Variants in COL25A1 observed in about 807,000 individuals in gnomAD.
COL25A1 encodes the protein collagen type XXV alpha 1 chain.
COL25A1 carries 103 observed loss-of-function variants against 128.4 expected under a neutral mutation model. That is an observed-to-expected ratio of 0.80 (90% CI 0.68 to 0.94). The LOEUF (loss-of-function observed/expected upper bound fraction) is 0.94, where lower values mean the gene tolerates loss of function less well. COL25A1 is among the 40% of genes least tolerant of loss of function. The pLI is 0.00. For missense variants in COL25A1, 745 were observed against 840.0 expected (o/e 0.89, Z 1.40); for synonymous variants, 279 against 277.2 (o/e 1.01, Z -0.06).
intron 3 of COL25A1, among the ~76,000 whole-genome samples, chr4:109,156,914 C>A (rs1181109396): frequency 6.6e-6 from 1 of 152,154 alleles, no homozygotes; most frequent in Non-Finnish European, 1.5e-5. Context: ...AACTCAAGAG[C>A]CACTTTTCTA....
intron 3 of COL25A1, among the ~76,000 whole-genome samples, chr4:109,183,228 T>A (rs1035032396): frequency 6.6e-6 from 1 of 151,962 alleles, no homozygotes; most frequent in African/African-American, 2.4e-5. Context: ...TCCACCAGCA[T>A]CCTGATGATA....
At chr4:109,259,939 G>A (rs949763361) in intron 3 of COL25A1, among the ~76,000 whole-genome samples, 69 of 152,316 alleles carry the variant, frequency 4.5e-4, no homozygotes, top group African/African-American at 1.6e-3. Context: ...ATGCTTTGCT[G>A]GAAGAGTCTT....
At chr4:108,824,842 CATAAT>C (rs778298389) in intron 34 of COL25A1, among the ~76,000 whole-genome samples, 12 of 152,150 alleles carry the variant, frequency 7.9e-5, no homozygotes, top group South Asian at 4.2e-4. Flanking sequence ...GAGAAAAAAA[CATAAT>C]ATATCATTCT....
chr4:109,272,994 A>G (rs528000453), intron 3 of COL25A1, among the ~76,000 whole-genome samples: 215 of 152,342 alleles, frequency 1.4e-3, no homozygotes, highest in African/African-American at 5.0e-3. Context: ...GAATGGAGGT[A>G]TTTAAGCATT....
intron 13 of COL25A1, among the ~76,000 whole-genome samples, chr4:108,909,773 A>G (rs965716588): frequency 2.0e-5 from 3 of 152,230 alleles, no homozygotes; most frequent in African/African-American, 7.2e-5. Context: ...TCTAAGCAGG[A>G]GTATGCACGG....
At chr4:109,147,914 G>A (rs377425352) in intron 3 of COL25A1, among the ~76,000 whole-genome samples, 15 of 152,200 alleles carry the variant, frequency 9.9e-5, no homozygotes, top group African/African-American at 3.4e-4. Context: ...AGGTCAGCCA[G>A]GTTGAGAGAA....
chr4:109,089,352 G>C (rs1764702813), intron 3 of COL25A1, among the ~76,000 whole-genome samples: 2 of 152,096 alleles, frequency 1.3e-5, no homozygotes, highest in Non-Finnish European at 2.9e-5. Context: ...CCACCTCATA[G>C]GACATGAAGA....
intron 3 of COL25A1, among the ~76,000 whole-genome samples, chr4:109,120,639 T>C (rs562038404): frequency 6.6e-6 from 1 of 152,048 alleles, no homozygotes; most frequent in South Asian, 2.1e-4. Context: ...CAAAACTCCA[T>C]CTTTACAAAA....
chr4:109,106,935 T>C (rs929355995), intron 3 of COL25A1, among the ~76,000 whole-genome samples: 1 of 152,096 alleles, frequency 6.6e-6, no homozygotes, highest in Non-Finnish European at 1.5e-5. Context: ...GCTCTGCTAA[T>C]TTTTTCTGTT....
At chr4:108,962,084 C>T (rs17597897) in intron 8 of COL25A1, among the ~76,000 whole-genome samples, 46,083 of 152,050 alleles carry the variant, frequency 0.3, 7,540 homozygotes, top group South Asian at 0.46. Flanking sequence ...TGCCATTTCC[C>T]GTTGCATCCC....
At chr4:109,068,860 G>A (rs1342288134) in intron 3 of COL25A1, among the ~76,000 whole-genome samples, 3 of 152,030 alleles carry the variant, frequency 2.0e-5, no homozygotes, top group Non-Finnish European at 4.4e-5. Context: ...CCTTTACAAT[G>A]GAGCTTACAT....
At chr4:109,029,347 T>A (rs1758618003) in intron 5 of COL25A1, among the ~76,000 whole-genome samples, 1 of 152,166 alleles carries the variant, frequency 6.6e-6, no homozygotes, top group South Asian at 2.1e-4. Context: ...ATATGCCACC[T>A]GCAGAAGGTC....
chr4:108,823,447 A>G (rs1443232746), intron 35 of COL25A1, among the ~76,000 whole-genome samples: 1 of 152,094 alleles, frequency 6.6e-6, no homozygotes, highest in Non-Finnish European at 1.5e-5. Flanking sequence ...AAAGAAGGGA[A>G]AGGAGGAGAA....
rs146404480 is a variant in COL25A1, at chr4:108,876,907, T to A, written c.1020+7271A>T. ...ACATTAATTAATAGCTCACCATCAA[T>A]GAGTTAAAAAACCAGGTCTCAAAAC... is the stretch of plus-strand genomic sequence containing the variant. On this transcript the variant is annotated intron_variant, in intron 19 of 37. Coordinates refer to ENST00000399132, the MANE Select transcript of COL25A1 (RefSeq NM_198721.4). Among the ~76,000 whole-genome samples, 1,490 of 152,326 alleles carry A rather than the reference T, an allele frequency of 9.8e-3. 26 individuals carry two copies. Among genetic ancestry groups the A allele is most frequent in the African/African-American group, 0.032 (1,342 of 41,570 alleles).
chr4:109,056,960 A>G (rs1263933924), intron 3 of COL25A1, among the ~76,000 whole-genome samples: 2 of 152,202 alleles, frequency 1.3e-5, no homozygotes, highest in Non-Finnish European at 2.9e-5. Context: ...TCTGGGCTCA[A>G]GCGATCCTCC....
At chr4:108,857,818 T>C (rs1373133566) in intron 24 of COL25A1, among the ~76,000 whole-genome samples, 1 of 152,148 alleles carries the variant, frequency 6.6e-6, no homozygotes, top group African/African-American at 2.4e-5. Context: ...AATATTTACA[T>C]ATCTGGTTAA....
chr4:109,108,321 G>T (rs1368876617), intron 3 of COL25A1, among the ~76,000 whole-genome samples: 1 of 151,838 alleles, frequency 6.6e-6, no homozygotes, highest in Admixed American at 6.6e-5. Flanking sequence ...GAGAATGATG[G>T]TTTCCAGCTT....
At chr4:108,934,348 T>A (rs1348653603) in intron 11 of COL25A1, among the ~76,000 whole-genome samples, 1 of 27,532 alleles carries the variant, frequency 3.6e-5, no homozygotes, top group Non-Finnish European at 7.3e-5. Flanking sequence ...GATGGGGGGC[T>A]GGGGGAGGGA....
chr4:109,272,463 G>T (rs774274647), intron 3 of COL25A1, among the ~76,000 whole-genome samples: 13 of 152,024 alleles, frequency 8.6e-5, no homozygotes, highest in Non-Finnish European at 1.9e-4. Flanking sequence ...TCATGTAATG[G>T]GTATAGAACA....
Sources: gnomAD v4.1 joint callset for allele counts (sites outside exome capture counted in the v4.1 genomes callset) on GRCh38, gnomAD v4.1.1 for gene constraint, MANE v1.5 for transcripts, NCBI Gene and HGNC (gene_info 2026-07-23, HGNC 2026-07-21) for gene names.